WDR17: variants seen among roughly 807,000 people sequenced by gnomAD.
WDR17 encodes the protein WD repeat-containing protein 17.
Under a neutral mutation model 161.7 loss-of-function variants are expected in WDR17, and 143 were observed. That is an observed-to-expected ratio of 0.88 (90% CI 0.77 to 1.02). The LOEUF (loss-of-function observed/expected upper bound fraction) is 1.02. Ranked by LOEUF, WDR17 falls within the 50% of genes least tolerant of loss-of-function variation. The probability of loss-of-function intolerance (pLI) is 0.00; values close to 1 mark genes in which losing one functional copy is unlikely to be tolerated. For synonymous variants in WDR17, 517 were observed against 515.6 expected (o/e 1.00, Z -0.04); for missense variants, 1,469 against 1,520.9 (o/e 0.97, Z 0.57).
chr4:176,142,462 G>A (rs1022955060), intron 11 of WDR17, among the ~76,000 whole-genome samples: 6 of 152,076 alleles, frequency 3.9e-5, no homozygotes, highest in South Asian at 2.1e-4. Flanking sequence ...TCCCCCACCC[G>A]ATGCTAATGC....
chr4:176,179,663 G>A lies in WDR17; in HGVS notation c.*84G>A. Reference sequence around the variant, plus strand: ...CATTACCTTAATCTTTGTTGCTCAAGTGCCAGAGGTTGGGAGAAGGATTGC... The same window carrying A: ...CATTACCTTAATCTTTGTTGCTCAAATGCCAGAGGTTGGGAGAAGGATTGC... On this transcript the variant is annotated 3_prime_UTR_variant, in exon 29 of 29. Coordinates refer to ENST00000508596, the MANE Select transcript of WDR17 (RefSeq NM_181265.4). The A allele has an allele frequency of 7.5e-7, 1 of 1,338,106 alleles. No homozygotes were observed. Among genetic ancestry groups the A allele is most frequent in the Non-Finnish European group, 9.7e-7 (1 of 1,028,852 alleles). 82.9% of individuals were successfully genotyped at this position (1,338,106 alleles called of 1,614,324 possible). A position where few individuals can be genotyped will look rare whatever the true frequency, so the allele number is the denominator to read the frequency against.
chr4:176,112,029 A>G (rs1029042594), intron 2 of WDR17, among the ~76,000 whole-genome samples: 8 of 152,170 alleles, frequency 5.3e-5, no homozygotes, highest in Non-Finnish European at 7.4e-5. Context: ...TTGTATAACT[A>G]TGTTTTTCGT....
In WDR17 at chr4:176,146,148, T is replaced by C; in HGVS notation, c.1683T>C (p.Gly561=). 1 of 1,613,214 alleles carries C rather than the reference T, an allele frequency of 6.2e-7. No homozygotes were observed. Among genetic ancestry groups the C allele is most frequent in the Non-Finnish European group, 8.5e-7 (1 of 1,179,620 alleles). The change falls in exon 12 of 29, where the codon GGT becomes GGC. Residue 561 remains glycine (G), a synonymous_variant. Transcript: ENST00000508596. ...TGAGAGAGGGAATTCTTTGCAGTGG[T>C]TCTGATGATGGGTATGTATTTTTGG... The part of the protein sequence containing the change: ...SPLREGILCS[G]SDDGTVRIWD...
rs201702405 is a variant in WDR17, at chr4:176,155,544, T to TG, written c.2461-534dup. On this transcript the variant is annotated intron_variant, in intron 17 of 28. Coordinates refer to ENST00000508596, the MANE Select transcript of WDR17 (RefSeq NM_181265.4). The stretch of plus-strand genomic sequence containing the variant: ...CTTTGTTTTTTTGTTTATTTGTTTG[T>TG]GTTTTTTTTTTTTTTTTGGAGACGA... 4.2e-4 allele frequency among the ~76,000 whole-genome samples: 57 copies of TG among 136,446 alleles called. 1 individual carries two copies. The highest frequency in any genetic ancestry group is 6.5e-4 in the Non-Finnish European group (41 of 63,114). 89.5% of individuals were successfully genotyped at this position (136,446 alleles called of 152,430 possible).
intron 5 of WDR17, among the ~76,000 whole-genome samples, chr4:176,126,616 CAAG>C: frequency 6.6e-6 from 1 of 152,136 alleles, no homozygotes; most frequent in Non-Finnish European, 1.5e-5. Context: ...TGCAGTGTGA[CAAG>C]TACTATGTTG....
rs1033366807 is a variant in WDR17 at position 176,137,664 on chromosome 4, T to G, written c.1359+53T>G. On this transcript the variant is annotated intron_variant, in intron 9 of 28. Coordinates refer to ENST00000508596, the MANE Select transcript of WDR17 (RefSeq NM_181265.4). ...ATATAATGTTTTATACTATTTTGTA[T>G]TTATTTTGTAAATATTTTTATTTCT... 9.1e-6 allele frequency: 10 copies of G among 1,100,410 alleles called. No individual in the cohort carries two copies. The African/African-American group carries it at 1.5e-4, about 17-fold the overall frequency. 68.2% of individuals were successfully genotyped at this position (1,100,410 alleles called of 1,614,324 possible). A position where few individuals can be genotyped will look rare whatever the true frequency, so the allele number is the denominator to read the frequency against.
In WDR17 at chr4:176,172,516, GGTAA is replaced by G; in HGVS notation, c.3244+5_3244+8del. The stretch of plus-strand genomic sequence containing the variant: ...TCCTATTGGTATTAGCTTTGTTAAA[GGTAA>G]GTAATTAGTTGGTAGTAGAATTTTA... On this transcript the variant is annotated splice_donor_variant and splice_donor_region_variant and intron_variant, in intron 24 of 28. Coordinates refer to ENST00000508596, the MANE Select transcript of WDR17 (RefSeq NM_181265.4). LOFTEE classifies it high-confidence loss of function. 1 of 1,580,830 alleles carries G rather than the reference GGTAA, an allele frequency of 6.3e-7. No individual in the cohort carries two copies. The highest frequency in any genetic ancestry group is 8.5e-7 in the Non-Finnish European group (1 of 1,170,248).
chr4:176,173,833 A>C (rs369251589), intron 25 of WDR17, among the ~76,000 whole-genome samples: 140 of 151,450 alleles, frequency 9.2e-4, no homozygotes, highest in Admixed American at 1.6e-3. Context: ...TGTTTTTAAG[A>C]AAAAAAATGT....
At position 176,096,305 on chromosome 4, in the gene WDR17, A is replaced by G. The variant is rs192464081; in HGVS notation, c.-6-15270A>G. On this transcript the variant is annotated intron_variant, in intron 1 of 28. Transcript: ENST00000508596. Reference sequence around the variant, plus strand: ...GCATTCTCTGGTACTATCCAACATTATTGTCGATTTCTTTCTTATTTTCTT... The same window carrying G: ...GCATTCTCTGGTACTATCCAACATTGTTGTCGATTTCTTTCTTATTTTCTT... 1.3e-3 allele frequency among the ~76,000 whole-genome samples: 203 copies of G among 152,198 alleles called. 1 individual carries two copies. The highest frequency in any genetic ancestry group is 4.6e-3 in the African/African-American group (190 of 41,556).
rs1448749479 is a variant in WDR17, at chr4:176,133,272, AAAGAAG to A, written c.1098+1546_1098+1551del. On this transcript the variant is annotated intron_variant, in intron 7 of 28. Coordinates refer to ENST00000508596, the MANE Select transcript of WDR17 (RefSeq NM_181265.4). ...TCTCCTCTCTCTAAAAAAAAAAAAA[AAAGAAG>A]AAGAAGAAGAAAAGAGAAAGGAAAA... 6.3e-5 allele frequency among the ~76,000 whole-genome samples: 8 copies of A among 127,430 alleles called. 2 individuals are homozygous for A. Among genetic ancestry groups the A allele is most frequent in the African/African-American group, 8.8e-5 (3 of 34,132 alleles). The allele number at this position is 127,430 out of a possible 152,430, so 83.6% of individuals were successfully genotyped here.
Position 176,139,907 on chromosome 4 carries a change from A to G in WDR17, c.1375A>G (p.Ile459Val). Residue 459 changes from isoleucine to valine, a missense_variant, in exon 10 of 29, where the codon ATA (isoleucine) becomes GTA (valine). Transcript: ENST00000508596. ...TTTTTTGAAGCATGGAACAAATGGAATATTCTGCATTGCCTGGAGTCATAA... is the reference window on the plus strand; with the variant it reads ...TTTTTTGAAGCATGGAACAAATGGAGTATTCTGCATTGCCTGGAGTCATAA... ...QRFNEHGTNG[I>V]FCIAWSHKDS... is the part of the protein sequence containing the mutation. 4 of 1,609,786 alleles carry G rather than the reference A, an allele frequency of 2.5e-6. No homozygotes were observed. Among genetic ancestry groups the G allele is most frequent in the East Asian group, 2.2e-5 (1 of 44,714 alleles).
At chr4:176,155,552 T>TTTTGTTTTGTTTTGTTTTGTTTTG (rs1336501462) in intron 17 of WDR17, among the ~76,000 whole-genome samples, 4 of 143,072 alleles carry the variant, frequency 2.8e-5, no homozygotes, top group African/African-American at 1.0e-4. Flanking sequence ...TGTGTTTTTT[T>TTTTGTTTTGTTTTGTTTTGTTTTG]TTTTTTTTTG....
chr4:176,067,107 G>A (rs904896594), intron 1 of WDR17, among the ~76,000 whole-genome samples: 7 of 152,300 alleles, frequency 4.6e-5, no homozygotes, highest in Admixed American at 4.6e-4. Context: ...AAACTCTGTG[G>A]AGAAAGCACT....
At chr4:176,068,244 G>C (rs543901938) in intron 1 of WDR17, 25 of 152,252 alleles carry the variant, frequency 1.6e-4, no homozygotes, top group African/African-American at 5.8e-4. Flanking sequence ...GTGAAGTCAT[G>C]TATCTTCCAG....
intron 1 of WDR17, among the ~76,000 whole-genome samples, chr4:176,070,677 C>A (rs1038814394): frequency 6.6e-6 from 1 of 151,540 alleles, no homozygotes; most frequent in African/African-American, 2.4e-5. Flanking sequence ...CCACTCTTGG[C>A]TAATTTTTTT....
At chr4:176,147,352 A>T (rs1467836047) in intron 12 of WDR17, among the ~76,000 whole-genome samples, 2 of 152,216 alleles carry the variant, frequency 1.3e-5, no homozygotes, top group Admixed American at 1.3e-4. Flanking sequence ...GGAGGTCTTA[A>T]ATTGATTGTA....
chr4:176,073,394 C>T (rs1307850195), intron 1 of WDR17, among the ~76,000 whole-genome samples: 2 of 151,264 alleles, frequency 1.3e-5, no homozygotes, highest in Non-Finnish European at 2.9e-5. Context: ...TGAGAATGAT[C>T]GTTTCCAGTT....
chr4:176,092,248 TCAAGACCAAGTGGGGTTTATCC>T (rs1736220913), intron 1 of WDR17, among the ~76,000 whole-genome samples: 1 of 152,132 alleles, frequency 6.6e-6, no homozygotes, highest in South Asian at 2.1e-4. Context: ...AGACCATTCA[TCAAGACCAAGTGGGGTTTATCC>T]CAGGGATGCA....
intron 22 of WDR17, among the ~76,000 whole-genome samples, chr4:176,167,679 C>G (rs1460982101): frequency 8.2e-6 from 1 of 121,654 alleles, no homozygotes; most frequent in African/African-American, 2.9e-5. Context: ...AAAACAATAT[C>G]TTGAATTATT....
Sources: allele counts gnomAD v4.1 joint callset (sites outside exome capture counted in the v4.1 genomes callset), GRCh38; gene constraint gnomAD v4.1.1; transcripts MANE v1.5; gene names NCBI Gene and HGNC (gene_info 2026-07-23, HGNC 2026-07-21).